PCDH9: variants seen among roughly 807,000 people sequenced by gnomAD.
The protein encoded by PCDH9 is protocadherin 9.
PCDH9 carries 24 observed loss-of-function variants against 70.6 expected under a neutral mutation model. That is an observed-to-expected ratio of 0.34 (90% CI 0.25 to 0.48). The LOEUF (loss-of-function observed/expected upper bound fraction) is 0.48, where lower values mean the gene tolerates loss of function less well. Ranked by LOEUF, PCDH9 falls within the 20% of genes least tolerant of loss-of-function variation. PCDH9 has a pLI of 0.99. For missense variants in PCDH9, 1,281 were observed against 1,503.6 expected, an observed-to-expected ratio of 0.85 and a Z score of 2.45; for synonymous variants, 562 against 558.5, an observed-to-expected ratio of 1.01 and a Z score of -0.09.
intron 3 of PCDH9, among the ~76,000 whole-genome samples, chr13:66,651,745 T>G (rs2077854849): frequency 6.6e-6 from 1 of 152,136 alleles, no homozygotes; most frequent in Non-Finnish European, 1.5e-5. Flanking sequence ...CTGATGAACA[T>G]TGATGCAAAT....
chr13:66,436,582 T>C (rs982459293), intron 4 of PCDH9, among the ~76,000 whole-genome samples: 2 of 152,206 alleles, frequency 1.3e-5, no homozygotes, highest in Admixed American at 1.3e-4. Context: ...CCTATTCCTG[T>C]GTCCCAACTT....
Position 67,229,914 on chromosome 13 carries a change from A to G in PCDH9, c.-270T>C, listed in dbSNP as rs1019385666. On this transcript the variant is annotated 5_prime_UTR_variant, in exon 1 of 5. Transcript: ENST00000377865. ...AAGCAGCAAAATGTTTCCTCCTTGT[A>G]AAATGTGTTGCTTCGGGCTGGCAAA... The G allele has an allele frequency of 6.6e-6, 1 of 152,218 alleles. No homozygotes were observed. The highest frequency in any genetic ancestry group is 1.5e-5 in the Non-Finnish European group (1 of 68,058). The allele number at this position is 152,218 out of a possible 1,614,324, so 9.4% of individuals were successfully genotyped here. A position where few individuals can be genotyped will look rare whatever the true frequency, so the allele number is the denominator to read the frequency against.
In PCDH9 at chr13:67,230,116, G is replaced by A. The variant is rs1274890832; in HGVS notation, c.-472C>T. ...AGCATGCATACCATTTCCATCCGAT[G>A]CCAATACTGCTTAAGTCTCTAACTT... On this transcript the variant is annotated 5_prime_UTR_variant, in exon 1 of 5. Coordinates refer to ENST00000377865, the MANE Select transcript of PCDH9 (RefSeq NM_203487.3). The A allele has an allele frequency of 6.6e-6, 1 of 152,212 alleles. No homozygotes were observed. The highest frequency in any genetic ancestry group is 2.4e-5 in the African/African-American group (1 of 41,442). 9.4% of individuals were successfully genotyped at this position (152,212 alleles called of 1,614,324 possible). A position where few individuals can be genotyped will look rare whatever the true frequency, so the allele number is the denominator to read the frequency against.
At chr13:67,053,021 C>T (rs1379817968) in intron 2 of PCDH9, among the ~76,000 whole-genome samples, 1 of 151,984 alleles carries the variant, frequency 6.6e-6, no homozygotes, top group Non-Finnish European at 1.5e-5. Flanking sequence ...CAGCCTGAGA[C>T]AGGGTGGAGA....
chr13:67,071,467 A>G (rs912677080), intron 2 of PCDH9, among the ~76,000 whole-genome samples: 1 of 152,212 alleles, frequency 6.6e-6, no homozygotes, highest in Admixed American at 6.5e-5. Context: ...ATTTGGTACT[A>G]TCTATCAAAA....
intron 4 of PCDH9, among the ~76,000 whole-genome samples, chr13:66,612,018 T>TA (rs1489949212): frequency 6.6e-6 from 1 of 152,210 alleles, no homozygotes; most frequent in African/African-American, 2.4e-5. Context: ...GTGTATTTTA[T>TA]GGATTCTCCA....
chr13:66,983,242 A>G (rs1332475573), intron 2 of PCDH9, among the ~76,000 whole-genome samples: 1 of 152,208 alleles, frequency 6.6e-6, no homozygotes, highest in Admixed American at 6.5e-5. Context: ...GAAGTTAAAG[A>G]AGAAAAATGA....
intron 3 of PCDH9, among the ~76,000 whole-genome samples, chr13:66,708,394 TGA>T (rs1358791582): frequency 7.2e-6 from 1 of 139,634 alleles, no homozygotes; most frequent in African/African-American, 2.6e-5. Flanking sequence ...AAGTGTACTT[TGA>T]GATTTAGTTT....
intron 3 of PCDH9, among the ~76,000 whole-genome samples, chr13:66,842,498 A>G (rs1179926897): frequency 6.6e-6 from 1 of 152,160 alleles, no homozygotes; most frequent in African/African-American, 2.4e-5. Flanking sequence ...AAAAAAGCCC[A>G]GCATGGGTCC....
At chr13:66,843,589 A>G (rs1396971400) in intron 3 of PCDH9, among the ~76,000 whole-genome samples, 1 of 152,260 alleles carries the variant, frequency 6.6e-6, no homozygotes, top group Admixed American at 6.5e-5. Flanking sequence ...AGCAAGGCCC[A>G]TTAGAAACAG....
intron 2 of PCDH9, among the ~76,000 whole-genome samples, chr13:66,955,384 C>CA (rs2083251438): frequency 6.6e-6 from 1 of 152,006 alleles, no homozygotes; most frequent in East Asian, 1.9e-4. Context: ...GACCTGTCCC[C>CA]AAAAAATGAT....
intron 2 of PCDH9, among the ~76,000 whole-genome samples, chr13:67,071,619 A>G (rs1185234874): frequency 6.6e-6 from 1 of 152,032 alleles, no homozygotes; most frequent in Non-Finnish European, 1.5e-5. Context: ...TAGGCTGGGC[A>G]GTGACTCATA....
intron 2 of PCDH9, chr13:67,207,255 T>C (rs990330941): frequency 6.6e-6 from 1 of 152,128 alleles, no homozygotes; most frequent in African/African-American, 2.4e-5. Context: ...GCTGACTAAC[T>C]ACAAGTTTAT....
At position 66,321,269 on chromosome 13, in the gene PCDH9, T is replaced by C. The variant is rs1003356415; in HGVS notation, c.3341-16241A>G. Among the ~76,000 whole-genome samples the C allele has an allele frequency of 9.2e-5, 14 of 152,254 alleles. No individual in the cohort carries two copies. The East Asian group carries it at 1.7e-3, about 19-fold the overall frequency. On this transcript the variant is annotated intron_variant, in intron 4 of 4. Coordinates refer to ENST00000377865, the MANE Select transcript of PCDH9 (RefSeq NM_203487.3). ...TGCCATTAGATCTCTCTATTTGTTATAAAATAACGATGTAATGATTTCTTT... is the reference window on the plus strand; with the variant it reads ...TGCCATTAGATCTCTCTATTTGTTACAAAATAACGATGTAATGATTTCTTT...
chr13:66,628,532 T>C (rs1341046092), intron 4 of PCDH9, among the ~76,000 whole-genome samples: 1 of 152,240 alleles, frequency 6.6e-6, no homozygotes, highest in East Asian at 1.9e-4. Flanking sequence ...AAGGTGGTCT[T>C]GCTCTGTTTC....
chr13:67,224,798 GA>G (rs2089814760), intron 2 of PCDH9: 4 of 867,812 alleles, frequency 4.6e-6, no homozygotes, highest in Non-Finnish European at 5.5e-6. Flanking sequence ...ATTAAGTACC[GA>G]ATTTAATATA....
intron 4 of PCDH9, among the ~76,000 whole-genome samples, chr13:66,609,947 T>C (rs900742145): frequency 6.8e-6 from 1 of 147,756 alleles, no homozygotes; most frequent in Non-Finnish European, 1.5e-5. Flanking sequence ...AGAAATAGCA[T>C]TTCCTTCTTT....
At chr13:67,150,737 G>A (rs551432020) in intron 2 of PCDH9, among the ~76,000 whole-genome samples, 1 of 152,164 alleles carries the variant, frequency 6.6e-6, no homozygotes, top group Admixed American at 6.5e-5. Flanking sequence ...AAAACCACTG[G>A]CAAATAAAGT....
intron 2 of PCDH9, chr13:67,207,461 T>G (rs2089378555): frequency 6.6e-6 from 1 of 152,188 alleles, no homozygotes; most frequent in African/African-American, 2.4e-5. Context: ...AGTAGTTGGT[T>G]CTATTTGAAT....
Sources: allele counts gnomAD v4.1 joint callset (sites outside exome capture counted in the v4.1 genomes callset), GRCh38; gene constraint gnomAD v4.1.1; transcripts MANE v1.5; gene names NCBI Gene and HGNC (gene_info 2026-07-23, HGNC 2026-07-21).